MGARP: variants seen among roughly 807,000 people sequenced by gnomAD.
The protein encoded by MGARP is mitochondria localized glutamic acid rich protein.
In MGARP, 12 loss-of-function variants were observed where a neutral mutation model predicts 11.0. The ratio of observed to expected loss-of-function variants is 1.09; its 90% CI spans 0.70 to 1.77. The LOEUF (loss-of-function observed/expected upper bound fraction) is 1.77, where lower values mean the gene tolerates loss of function less well. MGARP is among the 40% of genes most tolerant of loss of function. The probability of loss-of-function intolerance (pLI) is 0.00; values close to 1 mark genes in which losing one functional copy is unlikely to be tolerated. For synonymous variants in MGARP, 110 were observed against 115.4 expected, an observed-to-expected ratio of 0.95 and a Z score of 0.30; for missense variants, 283 against 297.8, an observed-to-expected ratio of 0.95 and a Z score of 0.36.
intron 1 of MGARP, among the ~76,000 whole-genome samples, chr4:139,279,168 C>A (rs796818285): frequency 2.0e-5 from 3 of 152,262 alleles, no homozygotes; most frequent in African/African-American, 7.2e-5. Context: ...TAGGGAAAAG[C>A]GGCTGGGGCA....
At chr4:139,270,208 G>A (rs1345233183) in intron 2 of MGARP, among the ~76,000 whole-genome samples, 1 of 151,078 alleles carries the variant, frequency 6.6e-6, no homozygotes, top group Non-Finnish European at 1.5e-5. Context: ...GCTGAGGCAG[G>A]AGAATCACTT....
chr4:139,266,874 T>C lies in MGARP; in HGVS notation c.448A>G (p.Thr150Ala). 1.2e-6 allele frequency: 2 copies of C among 1,614,208 alleles called. No individual in the cohort carries two copies. The highest frequency in any genetic ancestry group is 2.2e-5 in the East Asian group (1 of 44,892). Residue 150 changes from threonine (T) to alanine (A), a missense_variant, in exon 4 of 4, where the codon ACA (threonine) becomes GCA (alanine). Physicochemically the swap from Thr to Ala is moderately conservative, Grantham distance 58. Transcript: ENST00000398955. ...GGCCCGGTTTCAGCACTGACTGCTG[T>C]GGTCTCCGGAGCAGCCTCCACGTGA... ...PGHVEAAPET[T>A]AVSAETGPEV...
intron 2 of MGARP, among the ~76,000 whole-genome samples, chr4:139,270,826 C>T (rs1280422554): frequency 6.6e-6 from 1 of 152,076 alleles, no homozygotes; most frequent in Non-Finnish European, 1.5e-5. Flanking sequence ...GTTCCTGACA[C>T]CTTGTAGGAC....
In MGARP at chr4:139,267,982, C is replaced by T. The variant is rs115207778; in HGVS notation, c.280+690G>A. On this transcript the variant is annotated intron_variant, in intron 3 of 3. Transcript: ENST00000398955. ...TAAAAAATAAATTTGCTGGGTGTAG[C>T]GGTGCATGCTTGTAGTCCTAGTTGC... is the stretch of plus-strand genomic sequence containing the variant. Among the ~76,000 whole-genome samples the T allele has an allele frequency of 2.6e-3, 397 of 152,172 alleles. 2 individuals carry two copies. Among genetic ancestry groups the T allele is most frequent in the African/African-American group, 8.4e-3 (348 of 41,540 alleles).
intron 2 of MGARP, among the ~76,000 whole-genome samples, chr4:139,271,733 A>G (rs553796482): frequency 3.3e-5 from 5 of 152,292 alleles, no homozygotes; most frequent in South Asian, 2.1e-4. Flanking sequence ...TACATTCAGC[A>G]TTTCCTCCTG....
At chr4:139,269,630 C>CAAAAAAAAAAA (rs56142345) in intron 2 of MGARP, among the ~76,000 whole-genome samples, 3 of 81,804 alleles carry the variant, frequency 3.7e-5, no homozygotes, top group African/African-American at 8.0e-5. Context: ...GACTCCATCT[C>CAAAAAAAAAAA]AAAAAAAAAA....
At chr4:139,275,652 G>A (rs934555189) in intron 1 of MGARP, among the ~76,000 whole-genome samples, 4 of 152,170 alleles carry the variant, frequency 2.6e-5, no homozygotes, top group Non-Finnish European at 5.9e-5. Context: ...GCAGGTGTGG[G>A]TAAGGAGAAA....
chr4:139,274,492 AT>A lies in MGARP; in HGVS notation c.186+796del, dbSNP rs571913607. 5.1e-4 allele frequency among the ~76,000 whole-genome samples: 78 copies of A among 151,744 alleles called. No individual in the cohort carries two copies. The East Asian group carries it at 0.014, about 27-fold the overall frequency. ...TTAATAGTTATATTAATTTTTTTAA[AT>A]TTTTTTTGGAAACAGAGTCTCACTC... On this transcript the variant is annotated intron_variant, in intron 2 of 3. Coordinates refer to ENST00000398955, the MANE Select transcript of MGARP (RefSeq NM_032623.4).
intron 3 of MGARP, among the ~76,000 whole-genome samples, chr4:139,267,379 A>T (rs1006826483): frequency 3.3e-5 from 5 of 152,006 alleles, no homozygotes; most frequent in African/African-American, 9.7e-5. Context: ...TTTGAACTTA[A>T]AAAAAAACAC....
Position 139,266,185 on chromosome 4 carries a change from A to G in MGARP, c.*414T>C, listed in dbSNP as rs1347344572. On this transcript the variant is annotated 3_prime_UTR_variant, in exon 4 of 4. Coordinates refer to ENST00000398955, the MANE Select transcript of MGARP (RefSeq NM_032623.4). Reference sequence around the variant, plus strand: ...ACCAAAGCTTTTCTAATTTTATTTGACTCAAACTATATTTTAGACCTACAT... The same window carrying G: ...ACCAAAGCTTTTCTAATTTTATTTGGCTCAAACTATATTTTAGACCTACAT... The G allele has an allele frequency of 6.3e-6, 1 of 157,654 alleles. No individual in the cohort carries two copies. Among genetic ancestry groups the G allele is most frequent in the Non-Finnish European group, 1.4e-5 (1 of 71,434 alleles). The allele number at this position is 157,654 out of a possible 1,614,324, so 9.8% of individuals were successfully genotyped here. A position where few individuals can be genotyped will look rare whatever the true frequency, so the allele number is the denominator to read the frequency against.
At chr4:139,269,401 G>A (rs1166234340) in intron 2 of MGARP, among the ~76,000 whole-genome samples, 2 of 151,918 alleles carry the variant, frequency 1.3e-5, no homozygotes, top group Non-Finnish European at 2.9e-5. Context: ...GGCTGAGGTG[G>A]GTGGATCACC....
intron 1 of MGARP, among the ~76,000 whole-genome samples, chr4:139,277,348 T>A (rs938082558): frequency 6.6e-6 from 1 of 152,160 alleles, no homozygotes; most frequent in Non-Finnish European, 1.5e-5. Context: ...GGAAAAAAAT[T>A]TTTTTCCTTC....
intron 2 of MGARP, among the ~76,000 whole-genome samples, chr4:139,271,052 A>C (rs1034853016): frequency 1.3e-5 from 2 of 152,206 alleles, no homozygotes; most frequent in Admixed American, 6.5e-5. Flanking sequence ...TGGCCCAAAG[A>C]ATCTAGGTTT....
chr4:139,269,885 T>G (rs1579046877), intron 2 of MGARP, among the ~76,000 whole-genome samples: 3 of 152,150 alleles, frequency 2.0e-5, no homozygotes, highest in Admixed American at 2.0e-4. Flanking sequence ...TTTCTAAAAT[T>G]TATTTATATA....
chr4:139,269,655 G>GAAAAAA (rs1744749477), intron 2 of MGARP, among the ~76,000 whole-genome samples: 1 of 146,328 alleles, frequency 6.8e-6, no homozygotes, highest in Non-Finnish European at 1.5e-5. Flanking sequence ...AAAGAAAAAA[G>GAAAAAA]AAAGAAAGAA....
chr4:139,266,328 G>A lies in MGARP; in HGVS notation c.*271C>T. On this transcript the variant is annotated 3_prime_UTR_variant, in exon 4 of 4. Transcript: ENST00000398955. Reference sequence around the variant, plus strand: ...CAGAGATGACTGGGATAAAAGAAAAGTGTCTAGAAAAAAAAACCAAAGATG... The same window carrying A: ...CAGAGATGACTGGGATAAAAGAAAAATGTCTAGAAAAAAAAACCAAAGATG... The A allele has an allele frequency of 3.0e-6, 1 of 332,328 alleles. No homozygotes were observed. Among genetic ancestry groups the A allele is most frequent in the Non-Finnish European group, 5.5e-6 (1 of 183,374 alleles). The allele number at this position is 332,328 out of a possible 1,614,324, so 20.6% of individuals were successfully genotyped here.
At chr4:139,278,084 G>A (rs1843944) in intron 1 of MGARP, among the ~76,000 whole-genome samples, 43,494 of 151,882 alleles carry the variant, frequency 0.29, 6,877 homozygotes, top group African/African-American at 0.42. Flanking sequence ...AAAATTAGCT[G>A]GGTGTGGTGG....
Position 139,266,252 on chromosome 4 carries a change from T to A in MGARP, c.*347A>T, listed in dbSNP as rs1744694879. ...AGCTGAAAGCATAGTGAAATTAAAGTAAATACAGGTTGTATGGATAGCTCA... is the reference window on the plus strand; with the variant it reads ...AGCTGAAAGCATAGTGAAATTAAAGAAAATACAGGTTGTATGGATAGCTCA... On this transcript the variant is annotated 3_prime_UTR_variant, in exon 4 of 4. Coordinates refer to ENST00000398955, the MANE Select transcript of MGARP (RefSeq NM_032623.4). 1 of 187,958 alleles carries A rather than the reference T, an allele frequency of 5.3e-6. No homozygotes were observed. Among genetic ancestry groups the A allele is most frequent in the Non-Finnish European group, 1.1e-5 (1 of 90,044 alleles). 11.6% of individuals were successfully genotyped at this position (187,958 alleles called of 1,614,324 possible).
chr4:139,273,906 T>C (rs992761895), intron 2 of MGARP, among the ~76,000 whole-genome samples: 2 of 152,220 alleles, frequency 1.3e-5, no homozygotes, highest in Non-Finnish European at 2.9e-5. Flanking sequence ...AACTAAAAAA[T>C]GTCTGTCATT....
Sources: gnomAD v4.1 joint callset for allele counts (sites outside exome capture counted in the v4.1 genomes callset) on GRCh38, gnomAD v4.1.1 for gene constraint, MANE v1.5 for transcripts, NCBI Gene and HGNC (gene_info 2026-07-23, HGNC 2026-07-21) for gene names.